MAPK8IP3: variants seen among roughly 807,000 people sequenced by gnomAD.
MAPK8IP3 encodes the protein mitogen-activated protein kinase 8 interacting protein 3, also known as C-Jun-amino-terminal kinase-interacting protein 3.
Under a neutral mutation model 157.8 loss-of-function variants are expected in MAPK8IP3, and 49 were observed. The observed-to-expected ratio is 0.31, with a 90% confidence interval of 0.25 to 0.39. The LOEUF (loss-of-function observed/expected upper bound fraction) is 0.39, where lower values mean the gene tolerates loss of function less well. Among genes scored for constraint, MAPK8IP3 ranks in the 10% least tolerant of loss-of-function variants. The probability of loss-of-function intolerance (pLI) is 1.00; values close to 1 mark genes in which losing one functional copy is unlikely to be tolerated. For missense variants in MAPK8IP3, 1,478 were observed against 1,889.4 expected (o/e 0.78, Z 4.04); for synonymous variants, 897 against 777.7 (o/e 1.15, Z -2.55).
Position 1,762,747 on chromosome 16 carries a change from C to G in MAPK8IP3, c.1727+16C>G, listed in dbSNP as rs779844743. The G allele has an allele frequency of 3.8e-6, 6 of 1,584,872 alleles. No homozygotes were observed. The Admixed American group carries it at 5.2e-5, about 14-fold the overall frequency. ...TCTGGCAGTTGTAAGCTGGGGGCCCCTGGGGGATGTGGGCAGCAGCTGCAG... is the reference window on the plus strand; with the variant it reads ...TCTGGCAGTTGTAAGCTGGGGGCCCGTGGGGGATGTGGGCAGCAGCTGCAG... On this transcript the variant is annotated intron_variant, in intron 15 of 31. Transcript: ENST00000610761.
chr16:1,760,526 T>G lies in MAPK8IP3; in HGVS notation c.1451T>G (p.Leu484Arg). ...ENRIKELEEE[L>R]KRVKSEAIIA... is the part of the protein sequence containing the mutation. The stretch of plus-strand genomic sequence containing the variant: ...CGTATCAAGGAGCTGGAAGAGGAAC[T>G]GAAAAGGTGAGGGCAGGGCATGGAA... Residue 484 changes from leucine to arginine, a missense_variant, in exon 12 of 32, where the codon CTG (leucine) becomes CGG (arginine). By Grantham distance (102) the Leu-to-Arg change is moderately radical. Around this residue, in one of 11 missense-constraint regions of MAPK8IP3, gnomAD observed 96 missense variants for 106.3 expected, o/e 0.90. Transcript: ENST00000610761. 1 of 1,612,360 alleles carries G rather than the reference T, an allele frequency of 6.2e-7. No individual in the cohort carries two copies. The highest frequency in any genetic ancestry group is 8.5e-7 in the Non-Finnish European group (1 of 1,178,914).
At chr16:1,721,675 A>C (rs2038532013) in intron 1 of MAPK8IP3, among the ~76,000 whole-genome samples, 1 of 152,216 alleles carries the variant, frequency 6.6e-6, no homozygotes, top group Non-Finnish European at 1.5e-5. Context: ...TCCTGGAGTC[A>C]ATCAATCCAC....
At chr16:1,712,099 T>G (rs2037828299) in intron 1 of MAPK8IP3, among the ~76,000 whole-genome samples, 1 of 132,178 alleles carries the variant, frequency 7.6e-6, no homozygotes, top group African/African-American at 2.9e-5. Flanking sequence ...TCTCGCTCTG[T>G]CACCCATGCT....
At position 1,743,934 on chromosome 16, in the gene MAPK8IP3, A is replaced by G. The variant is rs772626452; in HGVS notation, c.747+458A>G. On this transcript the variant is annotated intron_variant, in intron 5 of 31. Coordinates refer to ENST00000610761, the MANE Select transcript of MAPK8IP3 (RefSeq NM_001318852.2). The surrounding 1 kb of genome is among the most constrained non-coding windows in gnomAD (Gnocchi z 5.6). The stretch of plus-strand genomic sequence containing the variant: ...TGGGGTTTGCCCTCCGTTGGCAGAA[A>G]GGTGAGGAGAAAGCTCCTCTTCTCT... 1.2e-4 allele frequency: 121 copies of G among 1,006,850 alleles called. No homozygotes were observed. Among genetic ancestry groups the G allele is most frequent in the Non-Finnish European group, 1.4e-4 (115 of 843,892 alleles). 62.4% of individuals were successfully genotyped at this position (1,006,850 alleles called of 1,614,324 possible). A position where few individuals can be genotyped will look rare whatever the true frequency, so the allele number is the denominator to read the frequency against.
chr16:1,755,889 T>G (rs1167006490), intron 8 of MAPK8IP3, among the ~76,000 whole-genome samples: 3 of 148,344 alleles, frequency 2.0e-5, no homozygotes, highest in Admixed American at 6.7e-5. Context: ...GTTTATAGGC[T>G]ATACCAATAA....
At chr16:1,754,377 G>A (rs2041473034) in intron 8 of MAPK8IP3, among the ~76,000 whole-genome samples, 1 of 152,154 alleles carries the variant, frequency 6.6e-6, no homozygotes, top group Non-Finnish European at 1.5e-5. Flanking sequence ...TTGCTGAGCG[G>A]AATCTGGAAT....
intron 4 of MAPK8IP3, among the ~76,000 whole-genome samples, chr16:1,735,487 A>C (rs530777221): frequency 8.9e-6 from 1 of 112,894 alleles, no homozygotes; most frequent in African/African-American, 3.8e-5. Context: ...GTGACCGTCC[A>C]TGTGAGCGTC....
intron 4 of MAPK8IP3, 46 bp downstream of exon 4, chr16:1,729,624 C>T (rs368507697): frequency 1.3e-4 from 200 of 1,523,832 alleles, no homozygotes; most frequent in Middle Eastern, 1.9e-4. Flanking sequence ...CGCGGCGGGG[C>T]GGAGGTACGC....
chr16:1,739,666 CCGTT>C (rs1221126944), intron 4 of MAPK8IP3, among the ~76,000 whole-genome samples: 5 of 99,294 alleles, frequency 5.0e-5, no homozygotes, highest in Admixed American at 3.7e-4. Flanking sequence ...ATCTGTGTGA[CCGTT>C]CGTGTGAGTG....
At chr16:1,722,856 C>G (rs1018632466) in intron 1 of MAPK8IP3, among the ~76,000 whole-genome samples, 1 of 151,868 alleles carries the variant, frequency 6.6e-6, no homozygotes, top group African/African-American at 2.4e-5. Flanking sequence ...CGCCTGCCAC[C>G]ACGCCTGGCT....
In MAPK8IP3 at chr16:1,763,657, C is replaced by A. The variant is rs200312072; in HGVS notation, c.1899C>A (p.Asp633Glu). 129 of 1,563,500 alleles carry A rather than the reference C, an allele frequency of 8.3e-5. No individual in the cohort carries two copies. In the Middle Eastern group the frequency reaches 1.8e-3, roughly 22 times the overall value. ...CATCACCCATCATTCTTCCACTCAG[C>A]GACTGCACGTCCTCCGCCCGTCGAG... ...GSRPLEFFPD[D>E]DCTSSARREQ... Residue 633 changes from aspartate (D) to glutamate (E), a missense_variant and splice_region_variant, in exon 17 of 32, where the codon GAC becomes GAA. Asp to Glu is a conservative substitution (Grantham distance 45). This residue lies in a region of MAPK8IP3 where 669 missense variants were observed against 759.8 expected (regional missense o/e 0.88). Transcript: ENST00000610761.
At chr16:1,725,976 G>A (rs778189016) in intron 2 of MAPK8IP3, among the ~76,000 whole-genome samples, 7 of 152,230 alleles carry the variant, frequency 4.6e-5, no homozygotes, top group South Asian at 2.1e-4. Context: ...GAGCCACCGC[G>A]CCTGGCCCCA....
At chr16:1,718,435 C>T (rs1373884918) in intron 1 of MAPK8IP3, among the ~76,000 whole-genome samples, 7 of 152,036 alleles carry the variant, frequency 4.6e-5, no homozygotes, top group South Asian at 2.1e-4. Flanking sequence ...CCCCCCACCT[C>T]GGCCTCCTAA....
intron 6 of MAPK8IP3, among the ~76,000 whole-genome samples, chr16:1,747,606 G>A (rs892735347): frequency 2.6e-5 from 4 of 152,214 alleles, no homozygotes; most frequent in African/African-American, 9.6e-5. Flanking sequence ...CTCTTGAAAG[G>A]CCCAGCCTCC....
At chr16:1,737,736 G>T (rs1377260841) in intron 4 of MAPK8IP3, among the ~76,000 whole-genome samples, 3 of 69,632 alleles carry the variant, frequency 4.3e-5, no homozygotes, top group African/African-American at 2.8e-4. Context: ...GTGAGCATCC[G>T]TGTGAGCGTG....
At chr16:1,739,346 A>ATGTGAGCATCCG (rs1373017694) in intron 4 of MAPK8IP3, among the ~76,000 whole-genome samples, 3 of 92,496 alleles carry the variant, frequency 3.2e-5, no homozygotes, top group South Asian at 9.5e-4. Context: ...GTGACCATCC[A>ATGTGAGCATCCG]TGTGAGCATC....
intron 11 of MAPK8IP3, 128 bp from the exon 12 acceptor site, chr16:1,760,252 C>G: frequency 8.0e-7 from 1 of 1,252,142 alleles, no homozygotes; most frequent in Non-Finnish European, 1.1e-6. Context: ...GATGGGGTCT[C>G]CCATTCAGCC....
intron 1 of MAPK8IP3, among the ~76,000 whole-genome samples, chr16:1,722,726 A>G (rs1009704376): frequency 1.3e-5 from 2 of 151,916 alleles, no homozygotes; most frequent in Non-Finnish European, 2.9e-5. Context: ...TTTTTTTGAG[A>G]TGGAGTCTCG....
In MAPK8IP3 at chr16:1,768,861, C is replaced by A. The variant is rs760311278; in HGVS notation, c.*37C>A. The A allele has an allele frequency of 5.8e-5, 93 of 1,601,332 alleles. No homozygotes were observed. Among genetic ancestry groups the A allele is most frequent in the Admixed American group, 5.0e-4 (30 of 59,640 alleles). On this transcript the variant is annotated 3_prime_UTR_variant, in exon 32 of 32. Transcript: ENST00000610761. ...TGCCTGGCCCGACCTGTACATAGGACCCCCGACCACCTGACCCCCGCCCGG... is the reference window on the plus strand; with the variant it reads ...TGCCTGGCCCGACCTGTACATAGGAACCCCGACCACCTGACCCCCGCCCGG...
Sources: gnomAD v4.1 joint callset for allele counts (sites outside exome capture counted in the v4.1 genomes callset) on GRCh38, gnomAD v4.1.1 for gene constraint, gnomAD v4.1.1 regional missense constraint, Gnocchi (gnomAD v3.1) non-coding constraint, MANE v1.5 for transcripts, NCBI Gene and HGNC (gene_info 2026-07-23, HGNC 2026-07-21) for gene names.